The following HTR1F variants were observed in gnomAD, a reference collection of about 807,000 sequenced individuals.
HTR1F encodes 5-hydroxytryptamine (serotonin) receptor 1F, G protein-coupled.
In HTR1F, 17 loss-of-function variants were observed where a neutral mutation model predicts 24.0. That is an observed-to-expected ratio of 0.71 (90% CI 0.48 to 1.06). The LOEUF (loss-of-function observed/expected upper bound fraction) is 1.06. Among genes scored for constraint, HTR1F ranks in the 50% least tolerant of loss-of-function variants. The probability of loss-of-function intolerance (pLI) is 0.00; values close to 1 mark genes in which losing one functional copy is unlikely to be tolerated. For missense variants in HTR1F, 391 were observed against 427.8 expected, an observed-to-expected ratio of 0.91 and a Z score of 0.76; for synonymous variants, 186 against 156.8, an observed-to-expected ratio of 1.19 and a Z score of -1.39.
intron 2 of HTR1F, among the ~76,000 whole-genome samples, chr3:87,943,281 G>A (rs1192776939): frequency 6.6e-6 from 1 of 152,138 alleles, no homozygotes; most frequent in South Asian, 2.1e-4. Flanking sequence ...TCTCATTTGG[G>A]GTTAGTGTCT....
chr3:87,812,300 C>G (rs1200517660), intron 1 of HTR1F, among the ~76,000 whole-genome samples: 1 of 152,124 alleles, frequency 6.6e-6, no homozygotes, highest in Non-Finnish European at 1.5e-5. Context: ...TTTTGACCAA[C>G]ATGCTGATAG....
intron 2 of HTR1F, among the ~76,000 whole-genome samples, chr3:87,948,380 CT>C (rs1272016800): frequency 6.6e-6 from 1 of 152,092 alleles, no homozygotes; most frequent in East Asian, 1.9e-4. Context: ...TGTATTTATC[CT>C]GTTAAATTAC....
At chr3:87,839,773 G>A (rs1704761334) in intron 2 of HTR1F, among the ~76,000 whole-genome samples, 1 of 151,976 alleles carries the variant, frequency 6.6e-6, no homozygotes, top group African/African-American at 2.4e-5. Context: ...CCCCCATCTT[G>A]TATTCTCCAG....
intron 2 of HTR1F, among the ~76,000 whole-genome samples, chr3:87,931,968 C>T (rs1428393941): frequency 6.6e-6 from 1 of 151,990 alleles, no homozygotes; most frequent in Admixed American, 6.6e-5. Context: ...GAGTGGGTTG[C>T]AAAAATTTTC....
At chr3:87,842,230 C>T (rs2107180050) in intron 2 of HTR1F, among the ~76,000 whole-genome samples, 1 of 151,874 alleles carries the variant, frequency 6.6e-6, no homozygotes, top group East Asian at 1.9e-4. Context: ...GGCTTGATCT[C>T]AGCTCACTGC....
chr3:87,797,304 G>A (rs1703920992), intron 1 of HTR1F, among the ~76,000 whole-genome samples: 1 of 152,126 alleles, frequency 6.6e-6, no homozygotes, highest in Non-Finnish European at 1.5e-5. Flanking sequence ...AGATAACTAG[G>A]AACTACTGTA....
In HTR1F at chr3:87,951,425, C is replaced by A. The variant is rs112448138; in HGVS notation, c.-42-39283C>A. Among the ~76,000 whole-genome samples the A allele has an allele frequency of 5.8e-3, 886 of 152,206 alleles. 11 individuals are homozygous for A. Among genetic ancestry groups the A allele is most frequent in the African/African-American group, 0.02 (835 of 41,548 alleles). On this transcript the variant is annotated intron_variant, in intron 2 of 2. Transcript: ENST00000319595. ...AGTAAAATAAGCATGAGGAAGTTGACACCATTCAATAAATACTTTCTAAAG... is the reference window on the plus strand; with the variant it reads ...AGTAAAATAAGCATGAGGAAGTTGAAACCATTCAATAAATACTTTCTAAAG...
At position 87,805,900 on chromosome 3, in the gene HTR1F, CAT is replaced by C. The variant is rs146103803; in HGVS notation, c.-160+13059_-160+13060del. On this transcript the variant is annotated intron_variant, in intron 1 of 2. Coordinates refer to ENST00000319595, the MANE Select transcript of HTR1F (RefSeq NM_001322209.2). ...AGAACTTATGCCTTCTAACTAACCA[CAT>C]GTTTGTACTCATTAACCAAACACTT... is the stretch of plus-strand genomic sequence containing the variant. Among the ~76,000 whole-genome samples the C allele has an allele frequency of 9.9e-3, 1,506 of 152,244 alleles. 31 individuals are homozygous for C. Among genetic ancestry groups the C allele is most frequent in the African/African-American group, 0.033 (1,362 of 41,562 alleles).
intron 2 of HTR1F, among the ~76,000 whole-genome samples, chr3:87,960,963 A>C (rs1705046313): frequency 6.6e-6 from 1 of 151,830 alleles, no homozygotes; most frequent in Non-Finnish European, 1.5e-5. Context: ...GTGTTTTCTA[A>C]AACTCTGAAT....
At chr3:87,941,672 G>A (rs1000087970) in intron 2 of HTR1F, among the ~76,000 whole-genome samples, 5 of 152,124 alleles carry the variant, frequency 3.3e-5, no homozygotes, top group African/African-American at 7.2e-5. Context: ...TGGGTTTGAA[G>A]GATCTTCAAA....
At chr3:87,931,397 C>T (rs1576048157) in intron 2 of HTR1F, among the ~76,000 whole-genome samples, 1 of 152,156 alleles carries the variant, frequency 6.6e-6, no homozygotes, top group Non-Finnish European at 1.5e-5. Context: ...CTTATGGCTG[C>T]ATAGTATTCC....
At chr3:87,970,931 C>T (rs992017879) in intron 2 of HTR1F, among the ~76,000 whole-genome samples, 16 of 152,136 alleles carry the variant, frequency 1.1e-4, no homozygotes, top group Admixed American at 1.0e-3. Flanking sequence ...TTAAATGATA[C>T]ACAGAATTTG....
chr3:87,846,570 G>A (rs1032545137), intron 2 of HTR1F, among the ~76,000 whole-genome samples: 5 of 151,984 alleles, frequency 3.3e-5, no homozygotes, highest in Non-Finnish European at 7.3e-5. Context: ...CACCCAGCTA[G>A]ATAGCAACAT....
chr3:87,804,172 A>G (rs565167983), intron 1 of HTR1F, among the ~76,000 whole-genome samples: 1 of 152,290 alleles, frequency 6.6e-6, no homozygotes, highest in Non-Finnish European at 1.5e-5. Flanking sequence ...ATTTTGTTTC[A>G]TATTTCTCAC....
At chr3:87,905,740 A>C (rs554785674) in intron 2 of HTR1F, among the ~76,000 whole-genome samples, 41 of 152,182 alleles carry the variant, frequency 2.7e-4, no homozygotes, top group South Asian at 6.2e-4. Flanking sequence ...TTTAGCAAAA[A>C]AAAAAAAAAT....
chr3:87,846,129 A>G (rs916816943), intron 2 of HTR1F, among the ~76,000 whole-genome samples: 1 of 151,978 alleles, frequency 6.6e-6, no homozygotes, highest in African/African-American at 2.4e-5. Context: ...ACATAGTTAT[A>G]TAAAACTATA....
intron 2 of HTR1F, among the ~76,000 whole-genome samples, chr3:87,824,840 A>G (rs961194928): frequency 2.0e-5 from 3 of 152,232 alleles, no homozygotes; most frequent in Admixed American, 6.5e-5. Flanking sequence ...TCAACTCAAG[A>G]TAATTCTATA....
chr3:87,941,323 T>C (rs1424598878), intron 2 of HTR1F, among the ~76,000 whole-genome samples: 1 of 152,320 alleles, frequency 6.6e-6, no homozygotes, highest in Non-Finnish European at 1.5e-5. Context: ...TTTAGGGTTT[T>C]GGGATGAGCA....
At chr3:87,818,216 T>C (rs1704286408) in intron 1 of HTR1F, among the ~76,000 whole-genome samples, 1 of 152,088 alleles carries the variant, frequency 6.6e-6, no homozygotes, top group South Asian at 2.1e-4. Flanking sequence ...TGACAAAAGC[T>C]TCAAGTTTTT....
Sources: allele counts gnomAD v4.1 joint callset (sites outside exome capture counted in the v4.1 genomes callset), GRCh38; gene constraint gnomAD v4.1.1; transcripts MANE v1.5; gene names NCBI Gene and HGNC (gene_info 2026-07-23, HGNC 2026-07-21).